The following ADAMTSL1 variants were observed in gnomAD, a reference collection of about 807,000 sequenced individuals.
ADAMTSL1 encodes ADAMTS like 1.
A neutral mutation model predicts 201.8 loss-of-function variants in ADAMTSL1; 126 were observed. The observed-to-expected ratio is 0.62, with a 90% CI of 0.54 to 0.72. ADAMTSL1 has a LOEUF of 0.72. Ranked by LOEUF, ADAMTSL1 falls within the 30% of genes least tolerant of loss-of-function variation. The pLI is 0.00. For synonymous variants in ADAMTSL1, 1,121 were observed against 903.4 expected, an observed-to-expected ratio of 1.24 and a Z score of -4.32; for missense variants, 2,679 against 2,277.8, an observed-to-expected ratio of 1.18 and a Z score of -3.59.
chr9:18,107,103 T>C (rs1020744223), intron 1 of ADAMTSL1, among the ~76,000 whole-genome samples: 22 of 152,182 alleles, frequency 1.4e-4, no homozygotes, highest in African/African-American at 1.2e-4. Context: ...TGTTATTAAG[T>C]CTATGCCTAA....
Position 18,459,388 on chromosome 9 carries a change from A to G in ADAMTSL1, c.208-45441A>G, listed in dbSNP as rs1213522968. On this transcript the variant is annotated intron_variant, in intron 2 of 29. Transcript: ENST00000680146. ...CCACTCTCGATCCTAGTTTACTAGC[A>G]TGGACCTAGACCTTTTGATTTCAAG... Among the ~76,000 whole-genome samples the G allele has an allele frequency of 2.0e-5, 3 of 152,152 alleles. No homozygotes were observed. In the East Asian group the frequency reaches 5.8e-4, roughly 29 times the overall value.
At chr9:18,172,451 T>C (rs1827943216) in intron 2 of ADAMTSL1, among the ~76,000 whole-genome samples, 1 of 152,166 alleles carries the variant, frequency 6.6e-6, no homozygotes, top group South Asian at 2.1e-4. Flanking sequence ...ACCCATCAGA[T>C]AGGCAACAAA....
chr9:18,384,464 T>A (rs1413567409), intron 2 of ADAMTSL1, among the ~76,000 whole-genome samples: 2 of 152,156 alleles, frequency 1.3e-5, no homozygotes, highest in Non-Finnish European at 2.9e-5. Context: ...ATCATGTTGA[T>A]GATACTTAGC....
chr9:18,592,232 G>T (rs571344958), intron 4 of ADAMTSL1, among the ~76,000 whole-genome samples: 17 of 152,150 alleles, frequency 1.1e-4, no homozygotes, highest in African/African-American at 4.1e-4. Context: ...TCATCTCTTG[G>T]TCAAACCACT....
At chr9:18,266,690 G>A (rs1832129615) in intron 2 of ADAMTSL1, among the ~76,000 whole-genome samples, 1 of 152,152 alleles carries the variant, frequency 6.6e-6, no homozygotes, top group African/African-American at 2.4e-5. Context: ...TCATCATGGT[G>A]ATGGTCTCAC....
At chr9:18,813,568 T>C (rs1430741722) in intron 20 of ADAMTSL1, among the ~76,000 whole-genome samples, 1 of 152,128 alleles carries the variant, frequency 6.6e-6, no homozygotes, top group Non-Finnish European at 1.5e-5. Flanking sequence ...TCCTAAGGGG[T>C]TTTTTGTAGC....
At chr9:18,090,113 A>G (rs118120209) in intron 1 of ADAMTSL1, among the ~76,000 whole-genome samples, 15 of 152,212 alleles carry the variant, frequency 9.9e-5, no homozygotes, top group Non-Finnish European at 1.8e-4. Context: ...AGAAAAAGAA[A>G]GTAAGTATTG....
intron 2 of ADAMTSL1, among the ~76,000 whole-genome samples, chr9:18,172,646 G>T (rs1827951414): frequency 6.6e-6 from 1 of 151,986 alleles, no homozygotes; most frequent in African/African-American, 2.4e-5. Context: ...CCTTAGAGAA[G>T]CCCTTACACT....
At chr9:18,033,189 T>C (rs1282270699) in intron 1 of ADAMTSL1, among the ~76,000 whole-genome samples, 1 of 152,220 alleles carries the variant, frequency 6.6e-6, no homozygotes, top group East Asian at 1.9e-4. Flanking sequence ...TAATTATGAA[T>C]TGTTTTTCAA....
chr9:18,498,123 A>T (rs1032703581), intron 1 of ADAMTSL1, among the ~76,000 whole-genome samples: 2 of 152,140 alleles, frequency 1.3e-5, no homozygotes, highest in Non-Finnish European at 2.9e-5. Flanking sequence ...TCAAAATATG[A>T]AGCTAGGCAG....
intron 26 of ADAMTSL1, among the ~76,000 whole-genome samples, chr9:18,902,966 A>T (rs1312413747): frequency 6.6e-6 from 1 of 152,208 alleles, no homozygotes; most frequent in African/African-American, 2.4e-5. Flanking sequence ...ACACTTTGGG[A>T]GTCTGAAGCA....
intron 2 of ADAMTSL1, among the ~76,000 whole-genome samples, chr9:18,286,398 C>T (rs1832994363): frequency 6.6e-6 from 1 of 151,970 alleles, no homozygotes; most frequent in Admixed American, 6.6e-5. Flanking sequence ...TTTGTTGGCT[C>T]CTTTCTATTC....
intron 1 of ADAMTSL1, among the ~76,000 whole-genome samples, chr9:18,145,509 A>G (rs892658938): frequency 1.3e-5 from 2 of 152,204 alleles, no homozygotes; most frequent in African/African-American, 4.8e-5. Context: ...TACCAATTTT[A>G]AAATTGCATG....
chr9:18,817,334 T>C, intron 21 of ADAMTSL1, 97 bp downstream of exon 21: 1 of 1,290,640 alleles, frequency 7.7e-7, no homozygotes, highest in East Asian at 2.6e-5. Flanking sequence ...CTCTCAGGGA[T>C]ATAGTGCTAG....
intron 1 of ADAMTSL1, among the ~76,000 whole-genome samples, chr9:18,120,640 A>G (rs1825457872): frequency 6.6e-6 from 1 of 152,196 alleles, no homozygotes; most frequent in Admixed American, 6.5e-5. Flanking sequence ...ATATTATTTC[A>G]TGTGTGTACA....
chr9:18,540,842 C>T (rs936704439), intron 3 of ADAMTSL1, among the ~76,000 whole-genome samples: 3 of 152,124 alleles, frequency 2.0e-5, no homozygotes, highest in African/African-American at 4.8e-5. Flanking sequence ...ATTGCAGGAA[C>T]GTTGATTTCT....
chr9:18,603,391 CTATGCTAT>C (rs1824794276), intron 4 of ADAMTSL1, among the ~76,000 whole-genome samples: 1 of 151,808 alleles, frequency 6.6e-6, no homozygotes, highest in African/African-American at 2.4e-5. Flanking sequence ...CTATGCTATG[CTATGCTAT>C]GCTATGCTAT....
intron 2 of ADAMTSL1, among the ~76,000 whole-genome samples, chr9:18,188,128 G>C (rs1828815254): frequency 6.6e-6 from 1 of 152,120 alleles, no homozygotes; most frequent in Non-Finnish European, 1.5e-5. Context: ...GGAAAGCTGA[G>C]AGGCTGTTTA....
intron 1 of ADAMTSL1, among the ~76,000 whole-genome samples, chr9:18,023,262 C>G (rs1341515555): frequency 6.6e-6 from 1 of 152,084 alleles, no homozygotes; most frequent in Non-Finnish European, 1.5e-5. Flanking sequence ...GTCCCTCTCC[C>G]AAAGTATCAG....
Sources: allele counts gnomAD v4.1 joint callset (sites outside exome capture counted in the v4.1 genomes callset), GRCh38; gene constraint gnomAD v4.1.1; transcripts MANE v1.5; gene names NCBI Gene and HGNC (gene_info 2026-07-23, HGNC 2026-07-21).